Variants in DMD observed in about 807,000 individuals in gnomAD.
DMD encodes dystrophin.
DMD carries 63 observed loss-of-function variants against 330.1 expected under a neutral mutation model. The observed-to-expected ratio is 0.19, with a 90% CI of 0.16 to 0.24. The LOEUF (loss-of-function observed/expected upper bound fraction) is 0.24, where lower values mean the gene tolerates loss of function less well. Ranked by LOEUF, DMD falls within the 10% of genes least tolerant of loss-of-function variation. The probability of loss-of-function intolerance (pLI) is 1.00; values close to 1 mark genes in which losing one functional copy is unlikely to be tolerated. For missense variants in DMD, 3,344 were observed against 2,684.1 expected (o/e 1.25, Z -5.43); for synonymous variants, 1,223 against 959.8 (o/e 1.27, Z -5.07).
chrX:32,687,568 G>A (rs1375547875), intron 9 of DMD, among the ~76,000 whole-genome samples: 1 of 110,661 alleles, frequency 9.0e-6, no homozygotes, highest in Non-Finnish European at 1.9e-5. Context: ...GTGAGTGACT[G>A]CAGATTAAAT....
At chrX:31,863,444 C>T (rs1057211402) in intron 48 of DMD, among the ~76,000 whole-genome samples, 1 of 112,238 alleles carries the variant, frequency 8.9e-6, no homozygotes, top group African/African-American at 3.2e-5. Context: ...GACTTTCTTC[C>T]GCTTTACAAA....
intron 50 of DMD, among the ~76,000 whole-genome samples, chrX:31,782,616 T>C (rs1319291190): frequency 1.8e-5 from 2 of 111,544 alleles, no homozygotes; most frequent in African/African-American, 6.5e-5. Flanking sequence ...ATGATTCTTA[T>C]TTTAAGTCTC....
intron 50 of DMD, 25 bp downstream of exon 50, chrX:31,819,950 A>C: frequency 8.7e-7 from 1 of 1,151,331 alleles, no homozygotes; most frequent in Non-Finnish European, 1.2e-6. Flanking sequence ...CTAGAGCCAA[A>C]GAGAATGGGA....
chrX:31,509,208 G>A (rs1247978145), intron 55 of DMD, among the ~76,000 whole-genome samples: 7 of 111,963 alleles, frequency 6.3e-5, no homozygotes, highest in Non-Finnish European at 9.4e-5. Context: ...GATTCTTGCA[G>A]AACGAAGTTT....
At chrX:33,266,088 C>T (rs991905805) in intron 1 of DMD, among the ~76,000 whole-genome samples, 4 of 111,491 alleles carry the variant, frequency 3.6e-5, no homozygotes, top group Admixed American at 1.9e-4. Context: ...GAAACTCTAG[C>T]TTTCTCTTTA....
intron 48 of DMD, 148 bp from the exon 49 acceptor site, chrX:31,836,967 G>A: frequency 2.1e-6 from 1 of 483,205 alleles, no homozygotes; most frequent in South Asian, 3.2e-5. Context: ...TTTTGGTGCA[G>A]AGAAAAGAAA....
At chrX:33,327,223 G>T (rs755689776) in intron 1 of DMD, among the ~76,000 whole-genome samples, 41 of 111,651 alleles carry the variant, frequency 3.7e-4, no homozygotes, top group Non-Finnish European at 6.2e-4. Context: ...TATCTACTCT[G>T]CATGAAGCTA....
At chrX:31,686,314 T>G (rs1294807102) in intron 52 of DMD, among the ~76,000 whole-genome samples, 2 of 112,388 alleles carry the variant, frequency 1.8e-5, no homozygotes, top group Non-Finnish European at 3.8e-5. Flanking sequence ...AAATGCCATT[T>G]CTAAAGTTAA....
rs773069785 is a variant in DMD, at chrX:32,598,309, C to CA, written c.1483-2434dup. ...AATAAAACTCTTTTTGCCATGAGGC[C>CA]AAAAATGGAAACATTAAAATTCAGA... On this transcript the variant is annotated intron_variant, in intron 12 of 78. Transcript: ENST00000357033. Among the ~76,000 whole-genome samples the CA allele has an allele frequency of 2.7e-4, 30 of 111,242 alleles. 1 individual carries two copies.
At chrX:32,909,624 C>T (rs5927111) in intron 2 of DMD, among the ~76,000 whole-genome samples, 54,986 of 110,015 alleles carry the variant, frequency 0.5, 10,311 homozygotes, top group East Asian at 0.88. Flanking sequence ...GCTGAATCCA[C>T]GGTTTTTGTA....
chrX:31,700,078 C>A (rs62589480), intron 52 of DMD, among the ~76,000 whole-genome samples: 1 of 108,048 alleles, frequency 9.3e-6, no homozygotes, highest in Non-Finnish European at 1.9e-5. Flanking sequence ...CCCAGCTACT[C>A]GGGAGGCTGA....
At chrX:32,453,753 G>A (rs1257848251) in intron 26 of DMD, among the ~76,000 whole-genome samples, 1 of 110,873 alleles carries the variant, frequency 9.0e-6, no homozygotes, top group Non-Finnish European at 1.9e-5. Context: ...AATTTATACA[G>A]TTGGCATGGG....
At chrX:31,402,235 G>C (rs2061222780) in intron 60 of DMD, among the ~76,000 whole-genome samples, 1 of 111,761 alleles carries the variant, frequency 8.9e-6, no homozygotes, top group Admixed American at 9.5e-5. Flanking sequence ...TTATGGTATG[G>C]TTTGAAAAAC....
chrX:32,695,573 TA>T (rs1227827816), intron 9 of DMD, among the ~76,000 whole-genome samples: 3 of 111,380 alleles, frequency 2.7e-5, no homozygotes, highest in Admixed American at 9.6e-5. Flanking sequence ...AGAAACTTCA[TA>T]ATAAACTTCA....
At chrX:32,024,510 T>G (rs753399498) in intron 44 of DMD, among the ~76,000 whole-genome samples, 3 of 84,308 alleles carry the variant, frequency 3.6e-5, no homozygotes, top group South Asian at 5.5e-4. Context: ...AAAAAAAAAG[T>G]ATGAAACAAA....
At chrX:33,105,082 A>G (rs1439376783) in intron 1 of DMD, among the ~76,000 whole-genome samples, 1 of 112,300 alleles carries the variant, frequency 8.9e-6, no homozygotes, top group Non-Finnish European at 1.9e-5. Context: ...CTATTCCTAC[A>G]TAGACCATTG....
At chrX:31,688,541 C>T (rs1380868188) in intron 52 of DMD, among the ~76,000 whole-genome samples, 2 of 111,546 alleles carry the variant, frequency 1.8e-5, no homozygotes, top group Non-Finnish European at 3.8e-5. Flanking sequence ...ACCAGAGGTG[C>T]AAAGAGGAAC....
intron 17 of DMD, among the ~76,000 whole-genome samples, chrX:32,536,287 A>AAAC (rs1556769787): frequency 3.8e-5 from 4 of 106,044 alleles, no homozygotes; most frequent in African/African-American, 1.1e-4. Context: ...AAAAAAAAAA[A>AAAC]ACACACAAAT....
chrX:32,882,858 G>C (rs2084095834), intron 2 of DMD, among the ~76,000 whole-genome samples: 1 of 112,172 alleles, frequency 8.9e-6, no homozygotes, highest in Admixed American at 9.5e-5. Flanking sequence ...ATACTGCGTA[G>C]TCACCTCCTG....
Sources: gnomAD v4.1 joint callset for allele counts (sites outside exome capture counted in the v4.1 genomes callset) on GRCh38, gnomAD v4.1.1 for gene constraint, MANE v1.5 for transcripts, NCBI Gene and HGNC (gene_info 2026-07-23, HGNC 2026-07-21) for gene names.